The following MYCT1 variants were observed in gnomAD, a reference collection of about 807,000 sequenced individuals.
The protein encoded by MYCT1 is myc target protein 1.
In MYCT1, 12 loss-of-function variants were observed where a neutral mutation model predicts 15.0. The ratio of observed to expected loss-of-function variants is 0.80; its 90% CI spans 0.51 to 1.29. The LOEUF is 1.29. MYCT1 is among the 50% of genes most tolerant of loss of function. The probability of loss-of-function intolerance (pLI) is 0.00; values close to 1 mark genes in which losing one functional copy is unlikely to be tolerated. For missense variants in MYCT1, 287 were observed against 279.1 expected (o/e 1.03, Z -0.20); for synonymous variants, 104 against 102.7 (o/e 1.01, Z -0.07).
chr6:152,717,852 C>G (rs1002458328), intron 1 of MYCT1, among the ~76,000 whole-genome samples: 1 of 152,020 alleles, frequency 6.6e-6, no homozygotes, highest in African/African-American at 2.4e-5. Context: ...AAATCCATAT[C>G]AAAAGCAATT....
chr6:152,736,301 A>C, the MYCT1 span, among the ~76,000 whole-genome samples: 5 of 152,192 alleles, frequency 3.3e-5, no homozygotes, highest in African/African-American at 1.2e-4. Context: ...ATTACTAAGT[A>C]ATACCCTTAG....
the MYCT1 span, among the ~76,000 whole-genome samples, chr6:152,743,343 G>A: frequency 6.6e-6 from 1 of 152,170 alleles, no homozygotes; most frequent in Admixed American, 6.5e-5. Flanking sequence ...TGGGATTATA[G>A]GCATGAGCCA....
At chr6:152,725,171 T>TA (rs5881001), downstream of MYCT1, among the ~76,000 whole-genome samples, 82,022 of 151,722 alleles carry the variant, frequency 0.54, 24,465 homozygotes, top group Non-Finnish European at 0.66. Context: ...ATCCAAAATC[T>TA]AAAACAAGCA....
At position 152,724,506 on chromosome 6, in the gene MYCT1, T is replaced by G. The variant is rs927843079; in HGVS notation, c.*2253T>G. ...GAAATTAAAGCAAAAACTGGAGACT[T>G]TTAATGTATTTCTTTAATTTGAAAT... On this transcript the variant is annotated 3_prime_UTR_variant, in exon 2 of 2. Transcript: ENST00000367245. 1.3e-5 allele frequency: 2 copies of G among 152,170 alleles called. No homozygotes were observed. The highest frequency in any genetic ancestry group is 2.9e-5 in the Non-Finnish European group (2 of 68,016). 9.4% of individuals were successfully genotyped at this position (152,170 alleles called of 1,614,324 possible). A position where few individuals can be genotyped will look rare whatever the true frequency, so the allele number is the denominator to read the frequency against.
intron 1 of MYCT1, among the ~76,000 whole-genome samples, chr6:152,701,856 G>T (rs538736888): frequency 1.3e-5 from 2 of 152,282 alleles, no homozygotes; most frequent in East Asian, 3.9e-4. Context: ...CAATGGCACA[G>T]AATAATTTTC....
intron 1 of MYCT1, among the ~76,000 whole-genome samples, chr6:152,713,303 G>A (rs1365467762): frequency 6.6e-6 from 1 of 151,840 alleles, no homozygotes; most frequent in Admixed American, 6.6e-5. Context: ...TTCATTGTGA[G>A]TGTTTTACTT....
chr6:152,739,200 C>T, the MYCT1 span, among the ~76,000 whole-genome samples: 1 of 151,240 alleles, frequency 6.6e-6, no homozygotes, highest in Non-Finnish European at 1.5e-5. Context: ...TAAAAAAAAG[C>T]CTACATTATT....
At position 152,722,065 on chromosome 6, in the gene MYCT1, C is replaced by T. The variant is rs746785600; in HGVS notation, c.520C>T (p.Pro174Ser). ...ASTFHPFLQC[P>S]PLPVETESQL... ...TACTTTCCATCCCTTTCTGCAATGTCCACCACTTCCTGTGGAAACTGAGAG... is the reference window on the plus strand; with the variant it reads ...TACTTTCCATCCCTTTCTGCAATGTTCACCACTTCCTGTGGAAACTGAGAG... Residue 174 changes from proline to serine, a missense_variant, in exon 2 of 2, where the codon CCA (proline) becomes TCA (serine). Coordinates refer to ENST00000367245, the MANE Select transcript of MYCT1 (RefSeq NM_025107.3). 4 of 1,614,136 alleles carry T rather than the reference C, an allele frequency of 2.5e-6. No individual in the cohort carries two copies. Among genetic ancestry groups the T allele is most frequent in the African/African-American group, 1.3e-5 (1 of 75,036 alleles).
chr6:152,726,122 C>A (rs1367438036), downstream of MYCT1, among the ~76,000 whole-genome samples: 1 of 152,090 alleles, frequency 6.6e-6, no homozygotes, highest in Non-Finnish European at 1.5e-5. Context: ...GATGGCCGGG[C>A]GCGGTGGCTC....
intron 1 of MYCT1, chr6:152,705,958 T>C: frequency 1.3e-6 from 1 of 780,810 alleles, no homozygotes; most frequent in Non-Finnish European, 2.4e-6. Flanking sequence ...GAAAAAGCAA[T>C]TATTGACCCA....
In MYCT1 at chr6:152,706,142, G is replaced by T. The variant is rs986304739; in HGVS notation, c.196+8044G>T. 74 of 1,415,694 alleles carry T rather than the reference G, an allele frequency of 5.2e-5. No individual in the cohort carries two copies. In the South Asian group the frequency reaches 8.1e-4, roughly 16 times the overall value. 87.7% of individuals were successfully genotyped at this position (1,415,694 alleles called of 1,614,324 possible). On this transcript the variant is annotated intron_variant, in intron 1 of 1. Coordinates refer to ENST00000367245, the MANE Select transcript of MYCT1 (RefSeq NM_025107.3). ...GGCATGTTCTAACTCCTAGAATAGT[G>T]CTTTACCTTTATTAATGAACTGTGA...
intron 1 of MYCT1, chr6:152,705,786 A>T (rs556014429): frequency 4.6e-5 from 27 of 581,916 alleles, no homozygotes; most frequent in Non-Finnish European, 7.4e-5. Context: ...TGACTGAGAT[A>T]AAAAAACTGG....
chr6:152,706,840 A>T (rs2099722354), intron 1 of MYCT1, among the ~76,000 whole-genome samples: 2 of 129,418 alleles, frequency 1.5e-5, no homozygotes. Context: ...CATTATAGAA[A>T]CCATATATGT....
downstream of MYCT1, among the ~76,000 whole-genome samples, chr6:152,725,777 G>A (rs147742774): frequency 1.8e-3 from 267 of 152,218 alleles, 2 homozygotes; most frequent in African/African-American, 6.1e-3. Flanking sequence ...CCAGGTACAC[G>A]GTTTTCTCTG....
intron 1 of MYCT1, among the ~76,000 whole-genome samples, chr6:152,713,635 T>G (rs548419988): frequency 2.0e-4 from 30 of 152,286 alleles, no homozygotes; most frequent in African/African-American, 6.7e-4. Flanking sequence ...TTAGTTTATT[T>G]TTTTTTCTCT....
intron 1 of MYCT1, among the ~76,000 whole-genome samples, chr6:152,704,943 T>C (rs2099722001): frequency 6.6e-6 from 1 of 152,198 alleles, no homozygotes; most frequent in Non-Finnish European, 1.5e-5. Flanking sequence ...CTATATTGTA[T>C]GTTAGGGCTC....
chr6:152,734,067 A>G, the MYCT1 span, among the ~76,000 whole-genome samples: 1 of 152,056 alleles, frequency 6.6e-6, no homozygotes, highest in African/African-American at 2.4e-5. Flanking sequence ...ATCCTTCACC[A>G]GAATACTGTG....
chr6:152,737,623 T>A, the MYCT1 span, among the ~76,000 whole-genome samples: 125,438 of 152,044 alleles, frequency 0.83, 51,800 homozygotes, highest in East Asian at 0.86. Flanking sequence ...GGGATCTAGG[T>A]GGGGAACAAG....
intron 1 of MYCT1, among the ~76,000 whole-genome samples, chr6:152,698,503 T>C (rs1303970250): frequency 6.6e-6 from 1 of 152,096 alleles, no homozygotes; most frequent in East Asian, 1.9e-4. Context: ...AGGTTATAGA[T>C]TATATATTTT....
Sources: allele counts gnomAD v4.1 joint callset (sites outside exome capture counted in the v4.1 genomes callset), GRCh38; gene constraint gnomAD v4.1.1; transcripts MANE v1.5; gene names NCBI Gene and HGNC (gene_info 2026-07-23, HGNC 2026-07-21).